The following B3GLCT variants were observed in gnomAD, a reference collection of about 807,000 sequenced individuals.
The protein encoded by B3GLCT is beta 3-glucosyltransferase, also known as beta-1,3-glucosyltransferase.
A neutral mutation model predicts 63.4 loss-of-function variants in B3GLCT; 65 were observed. That is an observed-to-expected ratio of 1.03 (90% CI 0.84 to 1.26). The LOEUF is 1.26. Among genes scored for constraint, B3GLCT ranks in the 50% most tolerant of loss-of-function variants. B3GLCT has a pLI of 0.00. For missense variants in B3GLCT, 577 were observed against 604.8 expected, an observed-to-expected ratio of 0.95 and a Z score of 0.48; for synonymous variants, 233 against 219.2, an observed-to-expected ratio of 1.06 and a Z score of -0.55.
chr13:31,272,170 G>A (rs1343657846), intron 8 of B3GLCT, among the ~76,000 whole-genome samples: 1 of 149,872 alleles, frequency 6.7e-6, no homozygotes, highest in Admixed American at 6.6e-5. Flanking sequence ...TGATATATTT[G>A]ACTTCTATCA....
At chr13:31,217,942 AT>A (rs900096758) in intron 2 of B3GLCT, among the ~76,000 whole-genome samples, 35 of 151,870 alleles carry the variant, frequency 2.3e-4, no homozygotes, top group African/African-American at 7.7e-4. Flanking sequence ...GAATTTTAGA[AT>A]TTTTTTTCTA....
Position 31,210,096 on chromosome 13 carries a change from T to C in B3GLCT, c.71-4955T>C, listed in dbSNP as rs536481621. Reference sequence around the variant, plus strand: ...CCTATAAATCTTAGTCCCAGGTTAGTTGTAAAATCTTGATTTATCTCTCTG... The same window carrying C: ...CCTATAAATCTTAGTCCCAGGTTAGCTGTAAAATCTTGATTTATCTCTCTG... On this transcript the variant is annotated intron_variant, in intron 1 of 14. Coordinates refer to ENST00000343307, the MANE Select transcript of B3GLCT (RefSeq NM_194318.4). 2.0e-5 allele frequency among the ~76,000 whole-genome samples: 3 copies of C among 152,356 alleles called. No individual in the cohort carries two copies. The East Asian group carries it at 5.8e-4, about 29-fold the overall frequency.
At chr13:31,255,599 C>T (rs1871697897) in intron 6 of B3GLCT, among the ~76,000 whole-genome samples, 3 of 152,114 alleles carry the variant, frequency 2.0e-5, no homozygotes, top group South Asian at 4.1e-4. Context: ...GGTACCAAAA[C>T]CAGATATATA....
chr13:31,306,526 T>A (rs1874408224), intron 12 of B3GLCT, among the ~76,000 whole-genome samples: 2 of 111,454 alleles, frequency 1.8e-5, no homozygotes, highest in Admixed American at 1.0e-4. Flanking sequence ...AGCATTCTTA[T>A]ACACCAACAA....
rs1714212131 is a variant in B3GLCT, at chr13:31,286,750, A to T, written c.995A>T (p.Glu332Val). Residue 332 changes from glutamate to valine, a missense_variant, in exon 12 of 15, where the codon GAA (glutamate) becomes GTA (valine). Physicochemically the swap from Glu to Val is moderately radical, Grantham distance 121. Transcript: ENST00000343307. ...TGTGGAAAGACATTTGCCATTTTGG[A>T]AAGATTTCTGAATCGTAGCCAGGAC... Reference protein sequence around the residue: ...GHCGKTFAILERFLNRSQDKT... With the variant: ...GHCGKTFAILVRFLNRSQDKT... The T allele has an allele frequency of 6.2e-7, 1 of 1,613,462 alleles. No homozygotes were observed. Among genetic ancestry groups the T allele is most frequent in the Non-Finnish European group, 8.5e-7 (1 of 1,179,584 alleles).
intron 6 of B3GLCT, among the ~76,000 whole-genome samples, chr13:31,257,637 A>C (rs1424292997): frequency 6.6e-6 from 1 of 151,930 alleles, no homozygotes; most frequent in Non-Finnish European, 1.5e-5. Flanking sequence ...CAAGCAGAAT[A>C]AGGCTCTTAA....
chr13:31,249,497 T>C (rs569172831), intron 6 of B3GLCT, among the ~76,000 whole-genome samples: 1 of 152,362 alleles, frequency 6.6e-6, no homozygotes, highest in South Asian at 2.1e-4. Flanking sequence ...CAAATCTTTT[T>C]TAGGATGTAG....
intron 6 of B3GLCT, among the ~76,000 whole-genome samples, chr13:31,258,491 C>T (rs887326965): frequency 1.3e-5 from 2 of 152,066 alleles, no homozygotes; most frequent in African/African-American, 4.8e-5. Context: ...ATTATTAGAT[C>T]CTCCTGTTTC....
chr13:31,230,253 C>CT (rs1870311426), intron 4 of B3GLCT, among the ~76,000 whole-genome samples: 3 of 152,124 alleles, frequency 2.0e-5, no homozygotes, highest in Non-Finnish European at 4.4e-5. Context: ...GAGGATCTAC[C>CT]TTGTGCTGCC....
At position 31,252,880 on chromosome 13, in the gene B3GLCT, A is replaced by G. The variant is rs12585503; in HGVS notation, c.459+4914A>G. Among the ~76,000 whole-genome samples, 6 of 152,254 alleles carry G rather than the reference A, an allele frequency of 3.9e-5. No homozygotes were observed. In the East Asian group the frequency reaches 1.2e-3, roughly 29 times the overall value. ...AGCAGACCTAACAGACATCTACAGAACTCGCCACCCCAAATCAACAGAATA... is the reference window on the plus strand; with the variant it reads ...AGCAGACCTAACAGACATCTACAGAGCTCGCCACCCCAAATCAACAGAATA... On this transcript the variant is annotated intron_variant, in intron 6 of 14. Transcript: ENST00000343307.
chr13:31,329,617 C>G lies in B3GLCT; in HGVS notation c.1446C>G (p.Asp482Glu). 1 of 1,614,160 alleles carries G rather than the reference C, an allele frequency of 6.2e-7. No homozygotes were observed. The highest frequency in any genetic ancestry group is 8.5e-7 in the Non-Finnish European group (1 of 1,180,040). Residue 482 changes from aspartate to glutamate, a missense_variant, in exon 15 of 15, where the codon GAC (aspartate) becomes GAG (glutamate). Asp to Glu is a conservative substitution (Grantham distance 45). Coordinates refer to ENST00000343307, the MANE Select transcript of B3GLCT (RefSeq NM_194318.4). The stretch of plus-strand genomic sequence containing the variant: ...ATTTCACATGGTTGGCACCCAGTGA[C>G]GAAGACAAAGCCAGGCAGGAGACAC... ...KVYFTWLAPS[D>E]EDKARQETQK...
intron 12 of B3GLCT, among the ~76,000 whole-genome samples, chr13:31,299,965 C>T (rs1031353335): frequency 6.6e-6 from 1 of 152,212 alleles, no homozygotes; most frequent in Non-Finnish European, 1.5e-5. Flanking sequence ...AGTGTTTCTA[C>T]CACTGTTCAA....
intron 12 of B3GLCT, among the ~76,000 whole-genome samples, chr13:31,295,042 T>A (rs997106938): frequency 6.6e-6 from 1 of 152,196 alleles, no homozygotes; most frequent in African/African-American, 2.4e-5. Context: ...CCTTTCTGTT[T>A]GTTAGTTATC....
chr13:31,280,392 T>C (rs898511655), intron 10 of B3GLCT, among the ~76,000 whole-genome samples: 1 of 152,198 alleles, frequency 6.6e-6, no homozygotes. Flanking sequence ...CAACACTCTG[T>C]GGTAGAAATA....
At chr13:31,296,144 A>G (rs964826620) in intron 12 of B3GLCT, among the ~76,000 whole-genome samples, 4 of 152,140 alleles carry the variant, frequency 2.6e-5, no homozygotes, top group African/African-American at 9.7e-5. Flanking sequence ...GGCTCCACCC[A>G]CTGTCCAACC....
chr13:31,273,609 G>A (rs1872661799), intron 8 of B3GLCT, among the ~76,000 whole-genome samples: 1 of 151,814 alleles, frequency 6.6e-6, no homozygotes, highest in Non-Finnish European at 1.5e-5. Flanking sequence ...TTTTGTGTGT[G>A]ATTTTTTTTT....
intron 1 of B3GLCT, among the ~76,000 whole-genome samples, chr13:31,210,363 A>G (rs1467793644): frequency 1.3e-5 from 2 of 152,240 alleles, no homozygotes; most frequent in African/African-American, 2.4e-5. Flanking sequence ...CAAATTTTCA[A>G]CAATATTTTC....
At chr13:31,257,494 C>T (rs575833598) in intron 6 of B3GLCT, among the ~76,000 whole-genome samples, 1 of 151,992 alleles carries the variant, frequency 6.6e-6, no homozygotes, top group African/African-American at 2.4e-5. Flanking sequence ...AGAAAGTCAT[C>T]ATATGGATCT....
intron 1 of B3GLCT, 111 bp downstream of exon 1, chr13:31,200,265 C>G (rs1868573588): frequency 1.9e-6 from 1 of 529,306 alleles, no homozygotes; most frequent in African/African-American, 2.1e-5. Context: ...CAGCCCTGCC[C>G]CGCCGGCGCG....
Sources: gnomAD v4.1 joint callset for allele counts (sites outside exome capture counted in the v4.1 genomes callset) on GRCh38, gnomAD v4.1.1 for gene constraint, MANE v1.5 for transcripts, NCBI Gene and HGNC (gene_info 2026-07-23, HGNC 2026-07-21) for gene names.